The following FRMD4A variants were observed in gnomAD, a reference collection of about 807,000 sequenced individuals.
FRMD4A encodes FERM domain containing 4A.
Under a neutral mutation model 129.1 loss-of-function variants are expected in FRMD4A, and 29 were observed. The ratio of observed to expected loss-of-function variants is 0.22; its 90% confidence interval spans 0.17 to 0.31. The LOEUF (loss-of-function observed/expected upper bound fraction) is 0.31. FRMD4A is among the 10% of genes least tolerant of loss of function. The probability of loss-of-function intolerance (pLI) is 1.00; values close to 1 mark genes in which losing one functional copy is unlikely to be tolerated. For missense variants in FRMD4A, 1,272 were observed against 1,375.8 expected (o/e 0.92, Z 1.19); for synonymous variants, 634 against 571.6 (o/e 1.11, Z -1.56).
chr10:14,290,252 A>G (rs1845809769), intron 2 of FRMD4A, among the ~76,000 whole-genome samples: 1 of 152,124 alleles, frequency 6.6e-6, no homozygotes, highest in Non-Finnish European at 1.5e-5. Context: ...GGAACTACAA[A>G]TGACCCTGAA....
intron 14 of FRMD4A, among the ~76,000 whole-genome samples, chr10:13,696,083 T>A (rs2086203050): frequency 6.6e-6 from 1 of 152,216 alleles, no homozygotes; most frequent in Non-Finnish European, 1.5e-5. Context: ...TATGCTTCCT[T>A]GCTAACCTCA....
At chr10:13,695,349 C>T (rs567586918) in intron 14 of FRMD4A, among the ~76,000 whole-genome samples, 1 of 152,224 alleles carries the variant, frequency 6.6e-6, no homozygotes, top group East Asian at 1.9e-4. Context: ...CCATGTTGGC[C>T]AGGCTGGTCT....
At chr10:14,070,228 C>T (rs1171887042) in intron 2 of FRMD4A, among the ~76,000 whole-genome samples, 1 of 152,168 alleles carries the variant, frequency 6.6e-6, no homozygotes, top group Non-Finnish European at 1.5e-5. Flanking sequence ...CTGCAGGGAC[C>T]CCTGTGAGGT....
At chr10:13,778,016 T>C (rs1231530434) in intron 6 of FRMD4A, among the ~76,000 whole-genome samples, 1 of 151,984 alleles carries the variant, frequency 6.6e-6, no homozygotes, top group Non-Finnish European at 1.5e-5. Context: ...TTGGTCAGGC[T>C]GGTCTCGAAC....
chr10:13,673,936 T>G (rs2083743191), intron 16 of FRMD4A, among the ~76,000 whole-genome samples: 2 of 151,944 alleles, frequency 1.3e-5, no homozygotes, highest in African/African-American at 4.8e-5. Flanking sequence ...CCACCACCTC[T>G]GGCTATTTTT....
chr10:13,995,324 C>T (rs764662026), intron 2 of FRMD4A, among the ~76,000 whole-genome samples: 5 of 152,208 alleles, frequency 3.3e-5, no homozygotes, highest in African/African-American at 9.6e-5. Context: ...TGGATCACAC[C>T]TGTAATCCCA....
intron 3 of FRMD4A, among the ~76,000 whole-genome samples, chr10:13,836,110 G>A (rs972108162): frequency 3.9e-5 from 6 of 152,188 alleles, no homozygotes; most frequent in Non-Finnish European, 7.3e-5. Context: ...GGATTCTCCT[G>A]CTTCAGCCTC....
At chr10:13,838,168 A>T (rs921819835) in intron 3 of FRMD4A, among the ~76,000 whole-genome samples, 2 of 151,842 alleles carry the variant, frequency 1.3e-5, no homozygotes, top group African/African-American at 4.8e-5. Context: ...AGCTCACTGA[A>T]GCCTCTACCT....
In FRMD4A at chr10:13,725,445, T is replaced by C. The variant is rs572506620; in HGVS notation, c.759+12399A>G. ...TTTAGACCTGCCCCTCTTTAGGGGATAATTACATTCCTCCCCTCCTGTGAC... is the reference window on the plus strand; with the variant it reads ...TTTAGACCTGCCCCTCTTTAGGGGACAATTACATTCCTCCCCTCCTGTGAC... On this transcript the variant is annotated intron_variant, in intron 12 of 24. Transcript: ENST00000357447. Among the ~76,000 whole-genome samples the C allele has an allele frequency of 2.0e-5, 3 of 152,352 alleles. No individual in the cohort carries two copies. The South Asian group carries it at 6.2e-4, about 32-fold the overall frequency.
intron 3 of FRMD4A, among the ~76,000 whole-genome samples, chr10:13,849,069 G>A (rs905649033): frequency 3.3e-5 from 5 of 152,234 alleles, no homozygotes; most frequent in Admixed American, 1.3e-4. Context: ...GGAGTGCCCA[G>A]CTTTGCAGAG....
intron 6 of FRMD4A, among the ~76,000 whole-genome samples, chr10:13,770,411 T>C (rs1438514270): frequency 6.6e-6 from 1 of 152,184 alleles, no homozygotes; most frequent in East Asian, 1.9e-4. Flanking sequence ...AATCGTTCTT[T>C]TATTAACTTA....
In FRMD4A at chr10:13,657,518, C is replaced by G. The variant is rs774844638; in HGVS notation, c.2071G>C (p.Val691Leu). 2 of 1,581,104 alleles carry G rather than the reference C, an allele frequency of 1.3e-6. No individual in the cohort carries two copies. The highest frequency in any genetic ancestry group is 1.7e-6 in the Non-Finnish European group (2 of 1,165,914). ...TGCAGTCGGGTGGGGCTGATGTCCA[C>G]CGACCTGCCGGGAGACGACCCGGGT... ...SPHYVHSTRS[V>L]DISPTRLHSL... The change falls in exon 22 of 25, where the codon GTG becomes CTG. Residue 691 changes from valine to leucine, a missense_variant. Coordinates refer to ENST00000357447, the MANE Select transcript of FRMD4A (RefSeq NM_018027.5).
intron 6 of FRMD4A, among the ~76,000 whole-genome samples, chr10:13,781,951 T>C (rs2092747872): frequency 6.6e-6 from 1 of 152,070 alleles, no homozygotes; most frequent in African/African-American, 2.4e-5. Context: ...AACTGCACAC[T>C]TAAAAATGGC....
rs183346003 is a variant in FRMD4A at position 13,829,085 on chromosome 10, A to G, written c.112-18177T>C. 3.8e-3 allele frequency among the ~76,000 whole-genome samples: 572 copies of G among 152,276 alleles called. 3 individuals are homozygous for G. The highest frequency in any genetic ancestry group is 0.013 in the African/African-American group (543 of 41,546). ...ATTTGCATTCCTACCAACAGTGTATAAGCATTCCCCTTTCTCCACATCCAA... is the reference window on the plus strand; with the variant it reads ...ATTTGCATTCCTACCAACAGTGTATGAGCATTCCCCTTTCTCCACATCCAA... On this transcript the variant is annotated intron_variant, in intron 3 of 24. Transcript: ENST00000357447.
intron 2 of FRMD4A, among the ~76,000 whole-genome samples, chr10:13,965,705 T>C (rs559828117): frequency 3.7e-4 from 57 of 152,318 alleles, no homozygotes; most frequent in Non-Finnish European, 6.3e-4. Context: ...CAATGACAAG[T>C]TATGAATTGG....
intron 2 of FRMD4A, among the ~76,000 whole-genome samples, chr10:13,878,817 A>G (rs2131112995): frequency 8.4e-6 from 1 of 119,444 alleles, no homozygotes; most frequent in Middle Eastern, 4.2e-3. Context: ...AGAGAGAGGG[A>G]GGGAGGGAAG....
At chr10:14,098,706 C>A (rs897863783) in intron 2 of FRMD4A, among the ~76,000 whole-genome samples, 2 of 152,154 alleles carry the variant, frequency 1.3e-5, no homozygotes, top group Admixed American at 1.3e-4. Flanking sequence ...CCGCGCCCAG[C>A]CTGAATATGG....
chr10:13,860,473 A>G (rs1023200590), intron 2 of FRMD4A, among the ~76,000 whole-genome samples: 2 of 152,242 alleles, frequency 1.3e-5, no homozygotes, highest in African/African-American at 2.4e-5. Flanking sequence ...CAGATGACAC[A>G]TAAGTTTCCT....
At chr10:13,998,375 A>G (rs1366154454) in intron 2 of FRMD4A, among the ~76,000 whole-genome samples, 6 of 152,232 alleles carry the variant, frequency 3.9e-5, no homozygotes, top group African/African-American at 1.4e-4. Context: ...AAGAAATCAC[A>G]TAATTGGCTC....
Sources: allele counts gnomAD v4.1 joint callset (sites outside exome capture counted in the v4.1 genomes callset), GRCh38; gene constraint gnomAD v4.1.1; transcripts MANE v1.5; gene names NCBI Gene and HGNC (gene_info 2026-07-23, HGNC 2026-07-21).